CAMKMT: variants seen among roughly 807,000 people sequenced by gnomAD.
The protein encoded by CAMKMT is CaM KMT.
Under a neutral mutation model 48.0 loss-of-function variants are expected in CAMKMT, and 53 were observed. The ratio of observed to expected loss-of-function variants is 1.10; its 90% CI spans 0.89 to 1.39. The LOEUF is 1.39. Among genes scored for constraint, CAMKMT ranks in the 40% most tolerant of loss-of-function variants. CAMKMT has a pLI of 0.00. For synonymous variants in CAMKMT, 165 were observed against 152.3 expected (o/e 1.08, Z -0.61); for missense variants, 428 against 402.7 (o/e 1.06, Z -0.54).
At chr2:44,464,150 AAAAG>A (rs745604774) in intron 3 of CAMKMT, among the ~76,000 whole-genome samples, 35 of 152,342 alleles carry the variant, frequency 2.3e-4, no homozygotes, top group Non-Finnish European at 4.7e-4. Flanking sequence ...GAAACTATAA[AAAAG>A]AACAAACTAG....
chr2:44,509,095 C>A (rs77159110), intron 3 of CAMKMT, among the ~76,000 whole-genome samples: 170 of 140,730 alleles, frequency 1.2e-3, no homozygotes, highest in Middle Eastern at 3.5e-3. Context: ...GACCCCATGT[C>A]AAAAAAAAAA....
At chr2:44,506,722 C>T (rs1485769296) in intron 3 of CAMKMT, among the ~76,000 whole-genome samples, 4 of 152,110 alleles carry the variant, frequency 2.6e-5, no homozygotes, top group East Asian at 1.9e-4. Context: ...AAATCCATCT[C>T]CTTATACCAA....
At chr2:44,395,487 TA>T (rs1195738789) in intron 3 of CAMKMT, among the ~76,000 whole-genome samples, 2 of 152,088 alleles carry the variant, frequency 1.3e-5, no homozygotes, top group Admixed American at 6.6e-5. Context: ...GTGGTTTGAT[TA>T]AAAAATGAAA....
chr2:44,543,303 C>T (rs1371537787), intron 3 of CAMKMT, among the ~76,000 whole-genome samples: 5 of 152,052 alleles, frequency 3.3e-5, no homozygotes, highest in Non-Finnish European at 5.9e-5. Flanking sequence ...TGATTTCTGC[C>T]GTGTAAGTGT....
chr2:44,735,303 A>T (rs556689069), intron 7 of CAMKMT, among the ~76,000 whole-genome samples: 17 of 152,350 alleles, frequency 1.1e-4, no homozygotes, highest in Middle Eastern at 3.4e-3. Context: ...CCAGTCTGAC[A>T]CACTCTGCCT....
chr2:44,416,378 T>C (rs1337484745), intron 3 of CAMKMT, among the ~76,000 whole-genome samples: 1 of 152,180 alleles, frequency 6.6e-6, no homozygotes, highest in Non-Finnish European at 1.5e-5. Context: ...TATACATTCA[T>C]GTAACCTATG....
At chr2:44,536,668 A>G (rs186168053) in intron 3 of CAMKMT, among the ~76,000 whole-genome samples, 30 of 152,204 alleles carry the variant, frequency 2.0e-4, no homozygotes, top group African/African-American at 7.2e-4. Context: ...AATAATCCCC[A>G]AATTTGTATG....
At chr2:44,366,715 A>G (rs985245276) in intron 1 of CAMKMT, among the ~76,000 whole-genome samples, 2 of 130,348 alleles carry the variant, frequency 1.5e-5, no homozygotes. Flanking sequence ...AATAGCAGCT[A>G]TTGTTATTAT....
chr2:44,714,624 C>A (rs1678069616), intron 6 of CAMKMT, among the ~76,000 whole-genome samples: 1 of 152,170 alleles, frequency 6.6e-6, no homozygotes, highest in African/African-American at 2.4e-5. Flanking sequence ...ATTGGAAATA[C>A]TTCACACTGG....
intron 3 of CAMKMT, among the ~76,000 whole-genome samples, chr2:44,543,500 A>G (rs1667240394): frequency 1.3e-5 from 2 of 152,234 alleles, no homozygotes; most frequent in Admixed American, 1.3e-4. Flanking sequence ...GATTAAGGCT[A>G]CAAAGAACTG....
At chr2:44,721,816 C>T (rs145437427) in intron 7 of CAMKMT, among the ~76,000 whole-genome samples, 94 of 150,706 alleles carry the variant, frequency 6.2e-4, no homozygotes, top group East Asian at 4.3e-3. Flanking sequence ...TAGTGAAACC[C>T]CATCTATTGA....
At chr2:44,563,231 T>C (rs1668420776) in intron 3 of CAMKMT, among the ~76,000 whole-genome samples, 1 of 151,486 alleles carries the variant, frequency 6.6e-6, no homozygotes, top group Non-Finnish European at 1.5e-5. Flanking sequence ...CATAGGTGTA[T>C]ATACAAATTT....
At chr2:44,429,937 G>GTA (rs1558607553) in intron 3 of CAMKMT, among the ~76,000 whole-genome samples, 1 of 151,346 alleles carries the variant, frequency 6.6e-6, no homozygotes, top group East Asian at 1.9e-4. Context: ...ATATATATGT[G>GTA]TATATATATG....
intron 7 of CAMKMT, among the ~76,000 whole-genome samples, chr2:44,741,715 G>A (rs1454277213): frequency 6.6e-6 from 1 of 152,134 alleles, no homozygotes; most frequent in Admixed American, 6.5e-5. Context: ...ACCAAGCCAG[G>A]CATTTCAATT....
At chr2:44,679,173 G>A (rs904232079) in intron 3 of CAMKMT, among the ~76,000 whole-genome samples, 4 of 152,042 alleles carry the variant, frequency 2.6e-5, no homozygotes, top group African/African-American at 9.7e-5. Flanking sequence ...AGTGTTTTGG[G>A]GCCTGTGGGT....
At chr2:44,521,233 T>C (rs906385242) in intron 3 of CAMKMT, among the ~76,000 whole-genome samples, 3 of 152,182 alleles carry the variant, frequency 2.0e-5, no homozygotes, top group African/African-American at 7.2e-5. Context: ...CATTTTACAA[T>C]TTATCTCTTT....
At chr2:44,398,884 G>A (rs1282476123) in intron 3 of CAMKMT, among the ~76,000 whole-genome samples, 2 of 151,902 alleles carry the variant, frequency 1.3e-5, no homozygotes, top group Non-Finnish European at 2.9e-5. Context: ...AATGAATTTA[G>A]TGTTTGTGTG....
intron 9 of CAMKMT, among the ~76,000 whole-genome samples, chr2:44,756,858 T>C (rs933900541): frequency 1.3e-5 from 2 of 152,184 alleles, no homozygotes; most frequent in Non-Finnish European, 2.9e-5. Flanking sequence ...CTCCGTGCAC[T>C]TCCAGCAAAT....
At chr2:44,642,736 G>T (rs886332940) in intron 3 of CAMKMT, among the ~76,000 whole-genome samples, 27 of 152,180 alleles carry the variant, frequency 1.8e-4, no homozygotes, top group East Asian at 1.9e-4. Context: ...AGTGGGGAGG[G>T]GGTGCCCTTG....
Sources: gnomAD v4.1 joint callset for allele counts (sites outside exome capture counted in the v4.1 genomes callset) on GRCh38, gnomAD v4.1.1 for gene constraint, MANE v1.5 for transcripts, NCBI Gene and HGNC (gene_info 2026-07-23, HGNC 2026-07-21) for gene names.